The following CEP128 variants were observed in gnomAD, a reference collection of about 807,000 sequenced individuals.
CEP128 encodes the protein centrosomal protein 128kDa.
Under a neutral mutation model 156.7 loss-of-function variants are expected in CEP128, and 132 were observed. That is an observed-to-expected ratio of 0.84 (90% CI 0.73 to 0.97). The LOEUF (loss-of-function observed/expected upper bound fraction) is 0.97. CEP128 is among the 50% of genes least tolerant of loss of function. The pLI is 0.00. For missense variants in CEP128, 1,252 were observed against 1,281.9 expected, an observed-to-expected ratio of 0.98 and a Z score of 0.36; for synonymous variants, 469 against 448.9, an observed-to-expected ratio of 1.04 and a Z score of -0.57.
chr14:80,637,982 G>A (rs1214000482), intron 19 of CEP128, among the ~76,000 whole-genome samples: 1 of 152,200 alleles, frequency 6.6e-6, no homozygotes, highest in African/African-American at 2.4e-5. Flanking sequence ...CTGACACTTT[G>A]ATTTTGGCTC....
intron 13 of CEP128, among the ~76,000 whole-genome samples, chr14:80,803,262 C>T (rs996213229): frequency 6.6e-6 from 1 of 151,564 alleles, no homozygotes; most frequent in African/African-American, 2.4e-5. Flanking sequence ...TTTATGCTGC[C>T]TAGTATATGC....
chr14:80,626,678 C>T (rs1004480209), intron 19 of CEP128, among the ~76,000 whole-genome samples: 24 of 150,768 alleles, frequency 1.6e-4, no homozygotes, highest in South Asian at 6.2e-4. Context: ...ATCCTGCCAA[C>T]ACCTTAACTT....
chr14:80,781,592 C>T (rs754469879), intron 15 of CEP128, among the ~76,000 whole-genome samples: 3 of 151,460 alleles, frequency 2.0e-5, no homozygotes, highest in Non-Finnish European at 2.9e-5. Context: ...AAGTGACACA[C>T]TCAGATATAT....
At chr14:80,484,719 G>A (rs938634832) in intron 14 of CEP128, among the ~76,000 whole-genome samples, 6 of 152,160 alleles carry the variant, frequency 3.9e-5, no homozygotes, top group African/African-American at 1.4e-4. Flanking sequence ...ACAGACCACA[G>A]GGAGATTTTA....
chr14:80,734,583 C>T (rs1440010317), intron 19 of CEP128, among the ~76,000 whole-genome samples: 1 of 151,988 alleles, frequency 6.6e-6, no homozygotes, highest in Non-Finnish European at 1.5e-5. Context: ...GGCACGGTGG[C>T]TCACACCTGT....
chr14:80,662,981 T>G (rs1895462760), intron 19 of CEP128, among the ~76,000 whole-genome samples: 1 of 152,236 alleles, frequency 6.6e-6, no homozygotes, highest in African/African-American at 2.4e-5. Flanking sequence ...GCTTGTATAC[T>G]GGAAAAGCAG....
intron 23 of CEP128, among the ~76,000 whole-genome samples, chr14:80,506,551 T>C (rs184270432): frequency 9.1e-4 from 139 of 152,034 alleles, no homozygotes; most frequent in African/African-American, 3.2e-3. Context: ...TCAAGAAATG[T>C]TGGCAAAAAT....
intron 19 of CEP128, among the ~76,000 whole-genome samples, chr14:80,731,784 T>C (rs561939795): frequency 6.6e-6 from 1 of 152,286 alleles, no homozygotes; most frequent in East Asian, 1.9e-4. Flanking sequence ...TTGCCAAATA[T>C]ACTAGTTTCA....
intron 23 of CEP128, among the ~76,000 whole-genome samples, chr14:80,516,059 G>C (rs1042269502): frequency 1.3e-5 from 2 of 152,066 alleles, no homozygotes; most frequent in Non-Finnish European, 2.9e-5. Flanking sequence ...GTAGAAACAG[G>C]GTTTCATCAT....
chr14:80,551,475 C>G (rs1890206089), intron 21 of CEP128, among the ~76,000 whole-genome samples: 1 of 152,188 alleles, frequency 6.6e-6, no homozygotes, highest in Non-Finnish European at 1.5e-5. Context: ...TCAGACAAAT[C>G]ACACTTGCTT....
intron 8 of CEP128, among the ~76,000 whole-genome samples, chr14:80,870,092 T>C (rs924480870): frequency 6.6e-6 from 1 of 151,960 alleles, no homozygotes; most frequent in Non-Finnish European, 1.5e-5. Flanking sequence ...AGTAAGGTGA[T>C]TGAATCAGTA....
At position 80,625,093 on chromosome 14, in the gene CEP128, T is replaced by C. The variant is rs149112509; in HGVS notation, c.2807-44670A>G. ...GTCTTTAATCCATTTTGAGTCAATA[T>C]GTTTTGTATATGGTTAGAGACAGAG... is the stretch of plus-strand genomic sequence containing the variant. On this transcript the variant is annotated intron_variant, in intron 19 of 24. Transcript: ENST00000555265. Among the ~76,000 whole-genome samples the C allele has an allele frequency of 3.9e-4, 59 of 152,310 alleles. 1 individual carries two copies. The East Asian group carries it at 9.3e-3, about 24-fold the overall frequency.
intron 19 of CEP128, among the ~76,000 whole-genome samples, chr14:80,616,292 A>T (rs1425162616): frequency 6.6e-6 from 1 of 152,230 alleles, no homozygotes; most frequent in African/African-American, 2.4e-5. Flanking sequence ...AACAGCTAAA[A>T]TGTATGAGTG....
intron 2 of CEP128, among the ~76,000 whole-genome samples, chr14:80,948,013 T>C (rs1594878874): frequency 6.6e-6 from 1 of 152,318 alleles, no homozygotes; most frequent in Non-Finnish European, 1.5e-5. Context: ...TCCCCTATAG[T>C]ATCACTGCAC....
At chr14:80,951,209 G>C (rs942193036) in intron 2 of CEP128, among the ~76,000 whole-genome samples, 8 of 152,044 alleles carry the variant, frequency 5.3e-5, no homozygotes, top group Admixed American at 5.2e-4. Flanking sequence ...GAAAAATATG[G>C]ATCAATACTA....
At chr14:80,564,610 T>C (rs972281405) in intron 20 of CEP128, among the ~76,000 whole-genome samples, 17 of 152,242 alleles carry the variant, frequency 1.1e-4, no homozygotes, top group African/African-American at 4.1e-4. Context: ...AAGCTGTCCT[T>C]GTTCACTCCT....
intron 18 of CEP128, among the ~76,000 whole-genome samples, chr14:80,744,645 C>G (rs1899004888): frequency 6.6e-6 from 1 of 152,168 alleles, no homozygotes; most frequent in African/African-American, 2.4e-5. Context: ...AGCTCCACTC[C>G]TCATTTCAGA....
At chr14:80,915,921 G>A (rs957328313) in intron 3 of CEP128, among the ~76,000 whole-genome samples, 31 of 152,260 alleles carry the variant, frequency 2.0e-4, no homozygotes, top group Middle Eastern at 6.8e-3. Context: ...TACCTTACAC[G>A]GCAAAAGGGA....
chr14:80,564,626 T>A (rs1184237359), intron 20 of CEP128, among the ~76,000 whole-genome samples: 1 of 152,244 alleles, frequency 6.6e-6, no homozygotes, highest in Admixed American at 6.5e-5. Context: ...CTCCTGGGTG[T>A]AGGCTGAACT....
Sources: allele counts gnomAD v4.1 joint callset (sites outside exome capture counted in the v4.1 genomes callset), GRCh38; gene constraint gnomAD v4.1.1; transcripts MANE v1.5; gene names NCBI Gene and HGNC (gene_info 2026-07-23, HGNC 2026-07-21).